SLC5A7: variants seen among roughly 807,000 people sequenced by gnomAD.
The protein encoded by SLC5A7 is high affinity choline transporter 1.
A neutral mutation model predicts 55.4 loss-of-function variants in SLC5A7; 19 were observed. The ratio of observed to expected loss-of-function variants is 0.34; its 90% CI spans 0.24 to 0.50. SLC5A7 has a LOEUF of 0.50. Ranked by LOEUF, SLC5A7 falls within the 20% of genes least tolerant of loss-of-function variation. The probability of loss-of-function intolerance (pLI) is 0.98; values close to 1 mark genes in which losing one functional copy is unlikely to be tolerated. For synonymous variants in SLC5A7, 265 were observed against 263.7 expected (o/e 1.00, Z -0.05); for missense variants, 506 against 705.3 (o/e 0.72, Z 3.20).
At chr2:108,010,210 A>G in intron 8 of SLC5A7, 22 bp from the exon 9 acceptor site, 1 of 1,603,434 alleles carries the variant, frequency 6.2e-7, no homozygotes, top group Non-Finnish European at 8.5e-7. Context: ...CAAAAAGCTG[A>G]CACTGTGGCA....
At chr2:107,991,438 A>G (rs1677448352) in intron 2 of SLC5A7, among the ~76,000 whole-genome samples, 1 of 152,196 alleles carries the variant, frequency 6.6e-6, no homozygotes. Context: ...TAGAAGTGTC[A>G]TCTCGATCCT....
rs1678334962 is a variant in SLC5A7, at chr2:108,011,701, A to ACAT, written c.*841_*843dup. ...GTTTTGCCCCATGATAAAATAAGTA[A>ACAT]CATATAAATTAATACATAAGTTAAT... On this transcript the variant is annotated 3_prime_UTR_variant, in exon 9 of 9. Coordinates refer to ENST00000264047, the MANE Select transcript of SLC5A7 (RefSeq NM_021815.5). The ACAT allele has an allele frequency of 6.6e-6, 1 of 152,172 alleles. No homozygotes were observed. Among genetic ancestry groups the ACAT allele is most frequent in the Non-Finnish European group, 1.5e-5 (1 of 68,032 alleles). The allele number at this position is 152,172 out of a possible 1,614,324, so 9.4% of individuals were successfully genotyped here.
chr2:107,992,226 G>A lies in SLC5A7; in HGVS notation c.292+7G>A. ...TCTCTTAGTCTGATTTTAGGTAAGT[G>A]AAAGTGCAAATCTCAGTGACTCACT... On this transcript the variant is annotated splice_region_variant and intron_variant, in intron 3 of 8. Transcript: ENST00000264047. 1 of 1,568,668 alleles carries A rather than the reference G, an allele frequency of 6.4e-7. No homozygotes were observed.
chr2:107,992,386 T>A (rs1172837267), intron 3 of SLC5A7, among the ~76,000 whole-genome samples, 167 bp downstream of exon 3: 1 of 152,222 alleles, frequency 6.6e-6, no homozygotes, highest in East Asian at 1.9e-4. Context: ...AGCAGAACAC[T>A]AATGCTTAAA....
chr2:108,013,096 T>A lies in SLC5A7; in HGVS notation c.*2235T>A, dbSNP rs1678402516. ...CTCTCTTTACGTTGTACCATTCTGT[T>A]GGGCAACAATTGTCCCAACAACCAC... On this transcript the variant is annotated 3_prime_UTR_variant, in exon 9 of 9. Coordinates refer to ENST00000264047, the MANE Select transcript of SLC5A7 (RefSeq NM_021815.5). 6.6e-6 allele frequency: 1 copy of A among 152,072 alleles called. No homozygotes were observed. The highest frequency in any genetic ancestry group is 1.5e-5 in the Non-Finnish European group (1 of 67,996). The allele number at this position is 152,072 out of a possible 1,614,324, so 9.4% of individuals were successfully genotyped here. A position where few individuals can be genotyped will look rare whatever the true frequency, so the allele number is the denominator to read the frequency against.
At chr2:108,006,689 G>A (rs1371344784) in intron 7 of SLC5A7, among the ~76,000 whole-genome samples, 1 of 152,068 alleles carries the variant, frequency 6.6e-6, no homozygotes, top group Non-Finnish European at 1.5e-5. Context: ...TTAAAAATAC[G>A]GATATGTGGC....
chr2:107,998,671 C>T (rs2104356238), intron 5 of SLC5A7, among the ~76,000 whole-genome samples: 1 of 152,246 alleles, frequency 6.6e-6, no homozygotes, highest in South Asian at 2.1e-4. Flanking sequence ...AGAATAAAAA[C>T]TGGTGTGTCC....
chr2:107,999,015 T>TA (rs1424964794), intron 5 of SLC5A7, among the ~76,000 whole-genome samples: 4 of 152,194 alleles, frequency 2.6e-5, no homozygotes, highest in African/African-American at 9.7e-5. Context: ...GGAAAAATTG[T>TA]AAAAAACAGA....
chr2:108,005,667 G>A (rs568034586), intron 6 of SLC5A7, among the ~76,000 whole-genome samples: 73 of 152,200 alleles, frequency 4.8e-4, no homozygotes, highest in African/African-American at 1.5e-3. Flanking sequence ...TCAAGGTGCC[G>A]GCAGATTCAC....
chr2:107,998,015 C>CT (rs751757912), intron 5 of SLC5A7, 29 bp downstream of exon 5: 2 of 1,590,190 alleles, frequency 1.3e-6, no homozygotes, highest in Admixed American at 1.8e-5. Context: ...GATTCTCCTC[C>CT]TTTTTTTCTG....
chr2:107,998,437 C>T (rs544074852), intron 5 of SLC5A7, among the ~76,000 whole-genome samples: 1 of 152,126 alleles, frequency 6.6e-6, no homozygotes, highest in Non-Finnish European at 1.5e-5. Context: ...TTAATCATCA[C>T]TATTTGTGGT....
intron 6 of SLC5A7, among the ~76,000 whole-genome samples, chr2:108,005,561 T>C (rs1348789722): frequency 6.6e-6 from 1 of 152,228 alleles, no homozygotes; most frequent in Non-Finnish European, 1.5e-5. Flanking sequence ...TACATTGTCT[T>C]AGTTCAGTTG....
intron 7 of SLC5A7, 46 bp from the exon 8 acceptor site, chr2:108,008,419 A>G: frequency 6.6e-7 from 1 of 1,507,234 alleles, no homozygotes; most frequent in Non-Finnish European, 9.2e-7. Context: ...GATAAAGAAC[A>G]TTTGGTTCCT....
chr2:107,991,676 A>G (rs1323882725), intron 2 of SLC5A7, among the ~76,000 whole-genome samples: 1 of 152,162 alleles, frequency 6.6e-6, no homozygotes, highest in Admixed American at 6.5e-5. Context: ...GTAAAATGGA[A>G]GGGCCTTGAA....
At position 108,011,903 on chromosome 2, in the gene SLC5A7, A is replaced by G. The variant is rs1324957356; in HGVS notation, c.*1042A>G. 1 of 152,546 alleles carries G rather than the reference A, an allele frequency of 6.6e-6. No individual in the cohort carries two copies. The highest frequency in any genetic ancestry group is 1.5e-5 in the Non-Finnish European group (1 of 68,014). The allele number at this position is 152,546 out of a possible 1,614,324, so 9.4% of individuals were successfully genotyped here. A position where few individuals can be genotyped will look rare whatever the true frequency, so the allele number is the denominator to read the frequency against. ...AAAAACAAACTCTACTAATTTTTAGATATTCATTAATAGGAAAGATTTAAT... is the reference window on the plus strand; with the variant it reads ...AAAAACAAACTCTACTAATTTTTAGGTATTCATTAATAGGAAAGATTTAAT... On this transcript the variant is annotated 3_prime_UTR_variant, in exon 9 of 9. Coordinates refer to ENST00000264047, the MANE Select transcript of SLC5A7 (RefSeq NM_021815.5).
rs114715828 is a variant in SLC5A7 at position 107,987,968 on chromosome 2, G to A, written c.-51-137G>A. 3.0e-3 allele frequency: 1,354 copies of A among 449,756 alleles called. 3 individuals are homozygous for A. Among genetic ancestry groups the A allele is most frequent in the Middle Eastern group, 8.3e-3 (15 of 1,818 alleles). The allele number at this position is 449,756 out of a possible 1,614,324, so 27.9% of individuals were successfully genotyped here. On this transcript the variant is annotated intron_variant, in intron 1 of 8. Coordinates refer to ENST00000264047, the MANE Select transcript of SLC5A7 (RefSeq NM_021815.5). ...AGTGGACACTTATTGTTAACTGCCC[G>A]TTTCACGTGTGGTTTCAGGGTTGTA...
intron 5 of SLC5A7, among the ~76,000 whole-genome samples, chr2:108,001,399 C>A (rs1018707419): frequency 1.3e-5 from 2 of 152,062 alleles, no homozygotes; most frequent in Non-Finnish European, 2.9e-5. Context: ...TGTGGCCGGG[C>A]GCGGTGGCTC....
intron 6 of SLC5A7, among the ~76,000 whole-genome samples, chr2:108,005,656 A>C (rs994034242): frequency 1.3e-5 from 2 of 152,156 alleles, no homozygotes; most frequent in African/African-American, 2.4e-5. Flanking sequence ...GAAGTCCAAG[A>C]TCAAGGTGCC....
chr2:107,989,547 G>T (rs1026698216), intron 2 of SLC5A7, among the ~76,000 whole-genome samples: 4 of 152,164 alleles, frequency 2.6e-5, no homozygotes, highest in African/African-American at 9.7e-5. Flanking sequence ...GAGCATCTGG[G>T]GTTAAGTGGA....
Sources: allele counts gnomAD v4.1 joint callset (sites outside exome capture counted in the v4.1 genomes callset), GRCh38; gene constraint gnomAD v4.1.1; transcripts MANE v1.5; gene names NCBI Gene and HGNC (gene_info 2026-07-23, HGNC 2026-07-21).